The following CDK5RAP3 variants were observed in gnomAD, a reference collection of about 807,000 sequenced individuals.
CDK5RAP3 encodes CDK5 regulatory subunit associated protein 3.
A neutral mutation model predicts 73.3 loss-of-function variants in CDK5RAP3; 58 were observed. The observed-to-expected ratio is 0.79, with a 90% CI of 0.64 to 0.98. The LOEUF (loss-of-function observed/expected upper bound fraction) is 0.98. CDK5RAP3 is among the 50% of genes least tolerant of loss of function. CDK5RAP3 has a pLI of 0.00. For synonymous variants in CDK5RAP3, 224 were observed against 247.5 expected (o/e 0.91, Z 0.89); for missense variants, 525 against 615.8 (o/e 0.85, Z 1.56).
chr17:47,978,258 T>A (rs34958507), intron 10 of CDK5RAP3, among the ~76,000 whole-genome samples: 3,649 of 151,374 alleles, frequency 0.024, 136 homozygotes, highest in African/African-American at 0.084. Flanking sequence ...TTTAGTAGAG[T>A]TGGGGTTTCT....
rs1313692738 is a variant in CDK5RAP3 at position 47,975,559 on chromosome 17, C to T, written c.559C>T (p.Pro187Ser). 6.2e-7 allele frequency: 1 copy of T among 1,611,224 alleles called. No individual in the cohort carries two copies. Residue 187 changes from proline (P) to serine (S), a missense_variant, in exon 7 of 14, where the codon CCG becomes TCG. Physicochemically the swap from Pro to Ser is moderately conservative, Grantham distance 74 (BLOSUM62 -1). Coordinates refer to ENST00000338399, the MANE Select transcript of CDK5RAP3 (RefSeq NM_176096.3). ...GELLALVKDL[P>S]SQLAEIGAAA... ...ACTGCTGGCCCTGGTGAAGGACCTG[C>T]CGAGTCAGCTGGCTGAGATTGGGGC...
chr17:47,974,545 G>A lies in CDK5RAP3; in HGVS notation c.334+97G>A, dbSNP rs886444. On this transcript the variant is annotated intron_variant, in intron 5 of 13. Coordinates refer to ENST00000338399, the MANE Select transcript of CDK5RAP3 (RefSeq NM_176096.3). The stretch of plus-strand genomic sequence containing the variant: ...TTATAGGAGGCACAGTCTGTGAGTG[G>A]GAAGAGACTGGAGTGTAGATGTTGC... The A allele has an allele frequency of 0.38, 602,457 of 1,599,102 alleles. 117,461 individuals are homozygous for A. Among genetic ancestry groups the A allele is most frequent in the Non-Finnish European group, 0.4 (472,027 of 1,171,936 alleles).
intron 2 of CDK5RAP3, among the ~76,000 whole-genome samples, chr17:47,972,644 A>G (rs185733620): frequency 9.6e-5 from 14 of 145,632 alleles, no homozygotes; most frequent in Admixed American, 2.1e-4. Context: ...GAAAAGGACC[A>G]ATAAAATGAC....
chr17:47,970,708 G>C (rs955961506), upstream of CDK5RAP3: 7 of 1,535,536 alleles, frequency 4.6e-6, no homozygotes, highest in Admixed American at 9.8e-5. Flanking sequence ...GTAAAGCGAC[G>C]CAAGGAGGGA....
upstream of CDK5RAP3, chr17:47,970,878 C>T (rs1013507619): frequency 1.3e-5 from 19 of 1,420,662 alleles, no homozygotes; most frequent in Non-Finnish European, 1.6e-5. Flanking sequence ...CAGCGCACCC[C>T]CTCCCGTCCC....
Position 47,973,681 on chromosome 17 carries a change from C to G in CDK5RAP3, c.184+31C>G. On this transcript the variant is annotated intron_variant, in intron 3 of 13. Coordinates refer to ENST00000338399, the MANE Select transcript of CDK5RAP3 (RefSeq NM_176096.3). ...TGCTTAGGGGCTGTCACTGGAGTCC[C>G]CTCTTTGCTGAGGTAGTATGTATCA... The G allele has an allele frequency of 1.9e-6, 3 of 1,611,398 alleles. No homozygotes were observed. The East Asian group carries it at 6.7e-5, about 36-fold the overall frequency.
intron 11 of CDK5RAP3, chr17:47,980,171 C>T (rs2036517869): frequency 4.5e-6 from 1 of 221,330 alleles, no homozygotes; most frequent in South Asian, 6.1e-5. Flanking sequence ...AACTCCTTAC[C>T]CAGAGTCTAG....
upstream of CDK5RAP3, among the ~76,000 whole-genome samples, chr17:47,969,317 G>A (rs1461041464): frequency 6.6e-6 from 1 of 151,998 alleles, no homozygotes. Context: ...AGCACTTTAG[G>A]AGGCTGAAGC....
At chr17:47,968,115 C>T (rs1441338427), upstream of CDK5RAP3, among the ~76,000 whole-genome samples, 1 of 152,056 alleles carries the variant, frequency 6.6e-6, no homozygotes, top group South Asian at 2.1e-4. Flanking sequence ...TCCCAGACAG[C>T]CCCGAGCACA....
chr17:47,971,227 A>G (rs1263297901), intron 1 of CDK5RAP3, 75 bp downstream of exon 1: 1 of 1,528,102 alleles, frequency 6.5e-7, no homozygotes, highest in Non-Finnish European at 8.9e-7. Flanking sequence ...TCCCTCCGGA[A>G]GCGGCTCAAC....
chr17:47,974,612 AT>A (rs774923461), intron 5 of CDK5RAP3, 164 bp downstream of exon 5: 14 of 1,446,270 alleles, frequency 9.7e-6, no homozygotes, highest in Non-Finnish European at 1.3e-5. Flanking sequence ...GATGGAATTG[AT>A]TTTCCCTGAG....
chr17:47,980,965 A>T, intron 12 of CDK5RAP3, 167 bp downstream of exon 12: 1 of 856,352 alleles, frequency 1.2e-6, no homozygotes, highest in Non-Finnish European at 1.8e-6. Context: ...TTTCACATAT[A>T]CAGGAAGAAT....
chr17:47,975,253 C>T lies in CDK5RAP3; in HGVS notation c.429C>T (p.Tyr143=), dbSNP rs751707212. 5.0e-6 allele frequency: 8 copies of T among 1,614,162 alleles called. No homozygotes were observed. Among genetic ancestry groups the T allele is most frequent in the African/African-American group, 2.7e-5 (2 of 75,038 alleles). The part of the protein sequence containing the change: ...IAKCQQLQQE[Y]SRKEEECQAG... ...AGTGCCAGCAGCTGCAGCAAGAATA[C>T]AGCCGCAAGGAGGAGGAGTGCCAGG... is the stretch of plus-strand genomic sequence containing the variant. Residue 143 remains tyrosine (Y), a synonymous_variant, in exon 6 of 14, where the codon TAC becomes TAT. Coordinates refer to ENST00000338399, the MANE Select transcript of CDK5RAP3 (RefSeq NM_176096.3).
rs2036316197 is a variant in CDK5RAP3, at chr17:47,973,521, T to C, written c.55T>C (p.Trp19Arg). Residue 19 changes from tryptophan to arginine, a missense_variant and splice_region_variant, in exon 3 of 14, where the codon TGG (tryptophan) becomes CGG (arginine). By Grantham distance (101) the Trp-to-Arg change is moderately radical. This residue lies in a region of CDK5RAP3 where 409 missense variants were observed against 429.8 expected (regional missense o/e 0.95). Coordinates refer to ENST00000338399, the MANE Select transcript of CDK5RAP3 (RefSeq NM_176096.3). Reference protein sequence around the residue: ...IDIQTSKLLDWLVDRRHCSLK... With the variant: ...IDIQTSKLLDRLVDRRHCSLK... ...TAATTTGGGTGCTTCTCATGTAGAT[T>C]GGCTGGTGGACAGAAGGCACTGCAG... 1 of 1,613,640 alleles carries C rather than the reference T, an allele frequency of 6.2e-7. No homozygotes were observed. The highest frequency in any genetic ancestry group is 1.3e-5 in the African/African-American group (1 of 74,924).
Position 47,975,323 on chromosome 17 carries a change from C to T in CDK5RAP3, c.499C>T (p.Gln167Ter), listed in dbSNP as rs1161605307. The T allele has an allele frequency of 6.2e-7, 1 of 1,614,084 alleles. No homozygotes were observed. ...MREQFYHSCK[Q>*]YGITGENVRG... ...GGAGCAGTTCTACCACTCCTGCAAGCAGTATGGCATCACGGTGAGCGGCGG... is the reference window on the plus strand; with the variant it reads ...GGAGCAGTTCTACCACTCCTGCAAGTAGTATGGCATCACGGTGAGCGGCGG... Residue 167 changes from glutamine to a stop codon, truncating the protein, a stop_gained, in exon 6 of 14, where the codon CAG becomes TAG. Coordinates refer to ENST00000338399, the MANE Select transcript of CDK5RAP3 (RefSeq NM_176096.3). LOFTEE classifies it high-confidence loss of function.
At chr17:47,979,505 A>T (rs1031252908) in intron 11 of CDK5RAP3, 1 of 152,848 alleles carries the variant, frequency 6.5e-6, no homozygotes, top group African/African-American at 2.4e-5. Flanking sequence ...GAGGAGAGAG[A>T]GCTGGTGGGG....
chr17:47,974,988 G>C, intron 5 of CDK5RAP3, 171 bp from the exon 6 acceptor site: 1 of 1,508,882 alleles, frequency 6.6e-7, no homozygotes, highest in Non-Finnish European at 8.9e-7. Flanking sequence ...TTACCGATGA[G>C]GGTTGGATTA....
Position 47,978,909 on chromosome 17 carries a change from C to A in CDK5RAP3, c.1069C>A (p.Leu357Ile), listed in dbSNP as rs776688605. Residue 357 changes from leucine to isoleucine, a missense_variant, in exon 11 of 14, where the codon CTC becomes ATC. This residue lies in a region of CDK5RAP3 where 116 missense variants were observed against 186.1 expected (regional missense o/e 0.62). Transcript: ENST00000338399. ...GACCCGGAATCAGTTCCTTGATGAG[C>A]TCATGGAGGTACTGTCATCTCTGGA... ...TETRNQFLDE[L>I]MELEIFLAQR... 10 of 1,613,102 alleles carry A rather than the reference C, an allele frequency of 6.2e-6. No individual in the cohort carries two copies. Among genetic ancestry groups the A allele is most frequent in the Non-Finnish European group, 8.5e-6 (10 of 1,179,198 alleles).
At chr17:47,972,988 G>C (rs2036304995) in intron 2 of CDK5RAP3, among the ~76,000 whole-genome samples, 2 of 152,142 alleles carry the variant, frequency 1.3e-5, no homozygotes, top group African/African-American at 4.8e-5. Context: ...AGTCCCATTG[G>C]TATTCACATG....
Sources: gnomAD v4.1 joint callset for allele counts (sites outside exome capture counted in the v4.1 genomes callset) on GRCh38, gnomAD v4.1.1 for gene constraint, gnomAD v4.1.1 regional missense constraint, MANE v1.5 for transcripts, NCBI Gene and HGNC (gene_info 2026-07-23, HGNC 2026-07-21) for gene names.